The following MTTP variants were observed in gnomAD, a reference collection of about 807,000 sequenced individuals.
MTTP encodes microsomal triglyceride transfer protein large subunit.
In MTTP, 49 loss-of-function variants were observed where a neutral mutation model predicts 90.6. The ratio of observed to expected loss-of-function variants is 0.54; its 90% CI spans 0.43 to 0.69. The LOEUF is 0.69. Among genes scored for constraint, MTTP ranks in the 30% least tolerant of loss-of-function variants. MTTP has a pLI of 0.00. For missense variants in MTTP, 945 were observed against 1,067.5 expected, an observed-to-expected ratio of 0.89 and a Z score of 1.60; for synonymous variants, 347 against 384.2, an observed-to-expected ratio of 0.90 and a Z score of 1.13.
intron 7 of MTTP, among the ~76,000 whole-genome samples, chr4:99,595,203 C>T (rs7699525): frequency 5.3e-5 from 8 of 152,270 alleles, no homozygotes; most frequent in African/African-American, 9.6e-5. Context: ...ATGTGGACAA[C>T]GGCTGAACCT....
At chr4:99,603,660 C>T (rs115296432) in intron 10 of MTTP, among the ~76,000 whole-genome samples, 179 of 152,122 alleles carry the variant, frequency 1.2e-3, no homozygotes, top group African/African-American at 3.9e-3. Flanking sequence ...GTTTATACAG[C>T]CTGGTTGGGG....
rs542011948 is a variant in MTTP at position 99,597,294 on chromosome 4, AG to A, written c.1067+71del. On this transcript the variant is annotated intron_variant, in intron 8 of 17. Transcript: ENST00000265517. Reference sequence around the variant, plus strand: ...TCTGGATTGTTGGTTTTTTGAAGTAAGAAAGACCCCTTTTAAACCAACTGCC... The same window carrying A: ...TCTGGATTGTTGGTTTTTTGAAGTAAAAAGACCCCTTTTAAACCAACTGCC... 35 of 1,566,632 alleles carry A rather than the reference AG, an allele frequency of 2.2e-5. No individual in the cohort carries two copies. In the South Asian group the frequency reaches 3.3e-4, roughly 15 times the overall value.
chr4:99,582,734 T>C (rs1725150455), intron 2 of MTTP, among the ~76,000 whole-genome samples: 1 of 152,156 alleles, frequency 6.6e-6, no homozygotes, highest in African/African-American at 2.4e-5. Context: ...TTCTTCTACA[T>C]CTTGGTGTGA....
intron 9 of MTTP, among the ~76,000 whole-genome samples, 193 bp downstream of exon 9, chr4:99,600,926 C>T (rs757880867): frequency 2.0e-4 from 30 of 152,092 alleles, no homozygotes; most frequent in East Asian, 5.8e-4. Flanking sequence ...GTGCCTTTTT[C>T]GTAATTTCAG....
chr4:99,621,466 T>A (rs41275721), intron 17 of MTTP, among the ~76,000 whole-genome samples: 1 of 152,168 alleles, frequency 6.6e-6, no homozygotes, highest in African/African-American at 2.4e-5. Context: ...AGTTATCATA[T>A]TCTAATCCAG....
intron 12 of MTTP, 62 bp from the exon 13 acceptor site, chr4:99,611,081 T>C: frequency 1.3e-6 from 2 of 1,550,090 alleles, no homozygotes; most frequent in South Asian, 1.1e-5. Flanking sequence ...TTTTTCCAAA[T>C]TTGACTTGGG....
At chr4:99,600,779 T>G in intron 9 of MTTP, 46 bp downstream of exon 9, 1 of 1,571,694 alleles carries the variant, frequency 6.4e-7, no homozygotes, top group Non-Finnish European at 8.7e-7. Flanking sequence ...ATAAAACTTC[T>G]TAAGAATATT....
chr4:99,571,046 A>G (rs1433469041), upstream of MTTP, among the ~76,000 whole-genome samples: 1 of 151,974 alleles, frequency 6.6e-6, no homozygotes, highest in African/African-American at 2.4e-5. Flanking sequence ...GAACTGATAC[A>G]GTGCCTTTCA....
chr4:99,597,000 C>T (rs1725568949), intron 7 of MTTP, 67 bp from the exon 8 acceptor site: 1 of 1,600,782 alleles, frequency 6.2e-7, no homozygotes, highest in Non-Finnish European at 8.5e-7. Context: ...CCTAGGAGAA[C>T]ACCCTTTGTA....
At chr4:99,574,100 A>G (rs1015549172), upstream of MTTP, among the ~76,000 whole-genome samples, 1 of 152,218 alleles carries the variant, frequency 6.6e-6, no homozygotes, top group Non-Finnish European at 1.5e-5. Context: ...ATCTCTTCCT[A>G]GAAATGAGAT....
At chr4:99,571,696 A>G (rs1724845942), upstream of MTTP, among the ~76,000 whole-genome samples, 1 of 151,988 alleles carries the variant, frequency 6.6e-6, no homozygotes, top group Non-Finnish European at 1.5e-5. Context: ...TTTTTAAACA[A>G]TACCTTTCAA....
intron 14 of MTTP, 152 bp from the exon 15 acceptor site, chr4:99,612,761 G>T (rs1166218827): frequency 4.3e-6 from 3 of 703,650 alleles, no homozygotes; most frequent in Non-Finnish European, 7.5e-6. Context: ...AGGCACAGAG[G>T]TTTTTGTCTG....
chr4:99,581,788 A>G (rs1374902627), intron 1 of MTTP, 117 bp from the exon 2 acceptor site: 3 of 997,392 alleles, frequency 3.0e-6, no homozygotes, highest in Non-Finnish European at 4.8e-6. Flanking sequence ...ACCATGTTTC[A>G]ATCAGCGAAT....
intron 1 of MTTP, among the ~76,000 whole-genome samples, chr4:99,568,485 C>T (rs970237256): frequency 2.0e-5 from 3 of 152,028 alleles, no homozygotes; most frequent in Non-Finnish European, 4.4e-5. Flanking sequence ...TGAAAGAAGT[C>T]AAAGAAGATC....
rs200982624 is a variant in MTTP, at chr4:99,608,824, T to C, written c.1616T>C (p.Val539Ala). ...HQNRKVHEKTVRTAAAAIILN... is the reference protein window; with the variant it reads ...HQNRKVHEKTARTAAAAIILN... ...AACCGTAAAGTTCATGAAAAGACTG[T>C]GCGCACTGCTGCAGCTGCTATCATT... is the stretch of plus-strand genomic sequence containing the variant. The change falls in exon 12 of 18, where the codon GTG becomes GCG. Residue 539 changes from valine (V) to alanine (A), a missense_variant. By Grantham distance (64) the Val-to-Ala change is moderately conservative. Transcript: ENST00000265517. The C allele has an allele frequency of 6.8e-6, 11 of 1,614,186 alleles. No homozygotes were observed. In the African/African-American group the frequency reaches 1.2e-4, roughly 18 times the overall value.
At chr4:99,609,429 G>A (rs76877520) in intron 12 of MTTP, among the ~76,000 whole-genome samples, 15,881 of 152,130 alleles carry the variant, frequency 0.1, 1,001 homozygotes, top group Middle Eastern at 0.2. Context: ...ACATTTCAAG[G>A]TGATTCAAAA....
chr4:99,605,743 T>G (rs906277439), intron 10 of MTTP, among the ~76,000 whole-genome samples: 2 of 152,156 alleles, frequency 1.3e-5, no homozygotes, highest in African/African-American at 4.8e-5. Context: ...TTTTCACCAA[T>G]TTGATAGTTG....
At chr4:99,577,653 G>T (rs1475440341) in intron 1 of MTTP, among the ~76,000 whole-genome samples, 1 of 142,348 alleles carries the variant, frequency 7.0e-6, no homozygotes, top group Non-Finnish European at 1.6e-5. Context: ...AGGAAGAAAA[G>T]AAAAAGGAAA....
In MTTP at chr4:99,591,363, G is replaced by A. The variant is rs769867768; in HGVS notation, c.618+12G>A. ...CGACCCCAAATCAGGTATGATAGATGTCACTTTCTTTGAGGCATTAAAATA... is the reference window on the plus strand; with the variant it reads ...CGACCCCAAATCAGGTATGATAGATATCACTTTCTTTGAGGCATTAAAATA... On this transcript the variant is annotated intron_variant, in intron 5 of 17. Coordinates refer to ENST00000265517, the MANE Select transcript of MTTP (RefSeq NM_001386140.1). The A allele has an allele frequency of 3.2e-6, 5 of 1,553,028 alleles. No individual in the cohort carries two copies. Among genetic ancestry groups the A allele is most frequent in the Non-Finnish European group, 4.4e-6 (5 of 1,124,682 alleles).
Sources: gnomAD v4.1 joint callset for allele counts (sites outside exome capture counted in the v4.1 genomes callset) on GRCh38, gnomAD v4.1.1 for gene constraint, MANE v1.5 for transcripts, NCBI Gene and HGNC (gene_info 2026-07-23, HGNC 2026-07-21) for gene names.